CBFB: variants seen among roughly 807,000 people sequenced by gnomAD.
CBFB encodes the protein CBF-beta.
A neutral mutation model predicts 30.4 loss-of-function variants in CBFB; 9 were observed. That is an observed-to-expected ratio of 0.30 (90% confidence interval 0.18 to 0.52). CBFB has a LOEUF of 0.52. Ranked by LOEUF, CBFB falls within the 20% of genes least tolerant of loss-of-function variation. The pLI is 0.97. For missense variants in CBFB, 170 were observed against 244.0 expected, an observed-to-expected ratio of 0.70 and a Z score of 2.02; for synonymous variants, 94 against 84.0, an observed-to-expected ratio of 1.12 and a Z score of -0.65.
chr16:67,063,736 G>T (rs1466595266), intron 3 of CBFB, among the ~76,000 whole-genome samples: 1 of 151,940 alleles, frequency 6.6e-6, no homozygotes, highest in African/African-American at 2.4e-5. Context: ...CCAGCCAGAG[G>T]GTATAAATTC....
intron 2 of CBFB, among the ~76,000 whole-genome samples, chr16:67,034,988 T>TG: frequency 6.6e-6 from 1 of 152,160 alleles, no homozygotes; most frequent in East Asian, 1.9e-4. Flanking sequence ...TCGTACAGCC[T>TG]GGGCAGTTTC....
chr16:67,056,871 G>A (rs1194488510), intron 3 of CBFB, among the ~76,000 whole-genome samples: 1 of 152,044 alleles, frequency 6.6e-6, no homozygotes, highest in Admixed American at 6.6e-5. Context: ...TAGTAGAGAC[G>A]GGGTTTCACC....
At chr16:67,078,924 G>C (rs897596192) in intron 4 of CBFB, among the ~76,000 whole-genome samples, 4 of 152,160 alleles carry the variant, frequency 2.6e-5, no homozygotes, top group African/African-American at 9.7e-5. Context: ...CTCCCAAAGT[G>C]CTTGAGCTTA....
intron 2 of CBFB, among the ~76,000 whole-genome samples, chr16:67,034,207 T>G (rs559426470): frequency 7.8e-4 from 119 of 152,292 alleles, no homozygotes; most frequent in Non-Finnish European, 1.6e-3. Flanking sequence ...AAAATATTTA[T>G]AAGAAGTATG....
In CBFB at chr16:67,086,601, A is replaced by G. The variant is rs1961738308; in HGVS notation, c.495+4293A>G. ...CTATCCTGCCTGTCTGAAAACTAGAATTATAGGAGAGCCTGCTATGATAGT... is the reference window on the plus strand; with the variant it reads ...CTATCCTGCCTGTCTGAAAACTAGAGTTATAGGAGAGCCTGCTATGATAGT... On this transcript the variant is annotated intron_variant, in intron 5 of 5. Coordinates refer to ENST00000412916, the MANE Select transcript of CBFB (RefSeq NM_022845.3). 2.0e-5 allele frequency among the ~76,000 whole-genome samples: 3 copies of G among 152,216 alleles called. No homozygotes were observed. The South Asian group carries it at 6.2e-4, about 31-fold the overall frequency.
rs1960959891 is a variant in CBFB at position 67,063,236 on chromosome 16, G to A, written c.283-3446G>A. Among the ~76,000 whole-genome samples the A allele has an allele frequency of 3.3e-5, 5 of 152,278 alleles. No homozygotes were observed. The South Asian group carries it at 1.0e-3, about 32-fold the overall frequency. ...AGCACTTATCAGAACAGAAGGAAAT[G>A]TGTGGTTAAACGGTTTCAGTTGTAA... On this transcript the variant is annotated intron_variant, in intron 3 of 5. Coordinates refer to ENST00000412916, the MANE Select transcript of CBFB (RefSeq NM_022845.3).
intron 3 of CBFB, among the ~76,000 whole-genome samples, chr16:67,036,977 C>T (rs1966450067): frequency 6.6e-6 from 1 of 151,970 alleles, no homozygotes; most frequent in East Asian, 1.9e-4. Context: ...TGGTTCACTG[C>T]AATCTCCGCC....
At chr16:67,068,130 C>T (rs1961109370) in intron 4 of CBFB, among the ~76,000 whole-genome samples, 1 of 152,174 alleles carries the variant, frequency 6.6e-6, no homozygotes, top group South Asian at 2.1e-4. Context: ...TCTGACCAGT[C>T]ATTGGCTGAC....
intron 3 of CBFB, among the ~76,000 whole-genome samples, chr16:67,055,084 C>T (rs1350423327): frequency 1.3e-5 from 2 of 152,044 alleles, no homozygotes; most frequent in African/African-American, 4.8e-5. Flanking sequence ...CTTTACATCA[C>T]TTCAGAGGAA....
intron 3 of CBFB, among the ~76,000 whole-genome samples, chr16:67,045,734 C>T (rs1169431581): frequency 6.6e-6 from 1 of 151,740 alleles, no homozygotes; most frequent in African/African-American, 2.4e-5. Context: ...TGAGAGAAGG[C>T]AGAAATAATA....
At chr16:67,092,698 CTTTTTTTTTTTTTTTT>C (rs777213321) in intron 5 of CBFB, among the ~76,000 whole-genome samples, 6 of 33,530 alleles carry the variant, frequency 1.8e-4, no homozygotes, top group Middle Eastern at 0.033. Flanking sequence ...GTGGTGCAAT[CTTTTTTTTTTTTTTTT>C]TTTTTTTTTT....
intron 3 of CBFB, among the ~76,000 whole-genome samples, chr16:67,038,748 G>A (rs1474525119): frequency 1.3e-5 from 2 of 151,312 alleles, no homozygotes; most frequent in African/African-American, 2.4e-5. Flanking sequence ...TGTTTAACAT[G>A]GTAGCTCAGA....
chr16:67,096,956 G>C (rs933738743), intron 5 of CBFB, among the ~76,000 whole-genome samples: 1 of 151,244 alleles, frequency 6.6e-6, no homozygotes, highest in Admixed American at 6.6e-5. Flanking sequence ...CATCTGAGTC[G>C]TACATGGTGG....
intron 3 of CBFB, among the ~76,000 whole-genome samples, chr16:67,042,905 T>C (rs1458339294): frequency 6.6e-6 from 1 of 152,046 alleles, no homozygotes; most frequent in Non-Finnish European, 1.5e-5. Flanking sequence ...GTGGCTAATT[T>C]TTGTACTTTT....
rs1966444648 is a variant in CBFB, at chr16:67,036,688, G to C, written c.215G>C (p.Ser72Thr). ...TNLSLQFFPA[S>T]WQGEQRQTPS... Reference sequence around the variant, plus strand: ...CTGTCTCTCCAGTTTTTTCCGGCCAGCTGGCAGGGAGAACAGCGACAAACA... The same window carrying C: ...CTGTCTCTCCAGTTTTTTCCGGCCACCTGGCAGGGAGAACAGCGACAAACA... Residue 72 changes from serine (S) to threonine (T), a missense_variant, in exon 3 of 6, where the codon AGC (serine) becomes ACC (threonine). Ser to Thr is a moderately conservative substitution (Grantham distance 58, BLOSUM62 1). Transcript: ENST00000412916. The C allele has an allele frequency of 6.2e-7, 1 of 1,613,974 alleles. No homozygotes were observed. Among genetic ancestry groups the C allele is most frequent in the Non-Finnish European group, 8.5e-7 (1 of 1,179,900 alleles).
chr16:67,058,694 G>C (rs916184583), intron 3 of CBFB, among the ~76,000 whole-genome samples: 1 of 152,166 alleles, frequency 6.6e-6, no homozygotes, highest in Non-Finnish European at 1.5e-5. Context: ...GATTCTAGCT[G>C]TTTTCTGTTC....
intron 4 of CBFB, among the ~76,000 whole-genome samples, chr16:67,075,629 T>C (rs993686704): frequency 1.3e-5 from 2 of 152,008 alleles, no homozygotes; most frequent in Non-Finnish European, 2.9e-5. Flanking sequence ...GCAACAGGAG[T>C]GAATATGCAT....
At chr16:67,064,785 A>G (rs1961006979) in intron 3 of CBFB, among the ~76,000 whole-genome samples, 1 of 152,198 alleles carries the variant, frequency 6.6e-6, no homozygotes, top group African/African-American at 2.4e-5. Context: ...TTATTTATTT[A>G]CTTGAAAAAG....
intron 4 of CBFB, among the ~76,000 whole-genome samples, chr16:67,079,193 TTA>T (rs1491345369): frequency 6.6e-6 from 1 of 152,218 alleles, no homozygotes; most frequent in Non-Finnish European, 1.5e-5. Context: ...TAAGCACTTT[TTA>T]TGTGTTATTT....
Sources: gnomAD v4.1 joint callset for allele counts (sites outside exome capture counted in the v4.1 genomes callset) on GRCh38, gnomAD v4.1.1 for gene constraint, MANE v1.5 for transcripts, NCBI Gene and HGNC (gene_info 2026-07-23, HGNC 2026-07-21) for gene names.